The following NKAIN4 variants were observed in gnomAD, a reference collection of about 807,000 sequenced individuals.
NKAIN4 encodes sodium/potassium transporting ATPase interacting 4, also known as sodium/potassium-transporting ATPase subunit beta-1-interacting protein 4.
NKAIN4 carries 28 observed loss-of-function variants against 28.8 expected under a neutral mutation model. The observed-to-expected ratio is 0.97, with a 90% CI of 0.72 to 1.33. The LOEUF (loss-of-function observed/expected upper bound fraction) is 1.33, where lower values mean the gene tolerates loss of function less well. NKAIN4 is among the 40% of genes most tolerant of loss of function. The pLI, the probability that NKAIN4 is intolerant of heterozygous loss-of-function variation, is 0.00. For synonymous variants in NKAIN4, 122 were observed against 115.6 expected (o/e 1.06, Z -0.36); for missense variants, 289 against 277.2 (o/e 1.04, Z -0.30).
In NKAIN4 at chr20:63,241,501, G is replaced by C; in HGVS notation, c.623C>G (p.Ala208Gly). Reference protein sequence around the residue: ...SLLSKQVYLPA With the variant: ...SLLSKQVYLPG ...CAGGATCAGCTGTTTCCTCACTTACGCAGGCCTGTGGGGACAAGGTCAGAG... is the reference window on the plus strand; with the variant it reads ...CAGGATCAGCTGTTTCCTCACTTACCCAGGCCTGTGGGGACAAGGTCAGAG... Residue 208 changes from alanine to glycine, a missense_variant, in exon 7 of 7, where the codon GCG (alanine) becomes GGG (glycine). Physicochemically the swap from Ala to Gly is moderately conservative, Grantham distance 60. Coordinates refer to ENST00000370316, the MANE Select transcript of NKAIN4 (RefSeq NM_152864.4). 1 of 1,550,366 alleles carries C rather than the reference G, an allele frequency of 6.5e-7. No individual in the cohort carries two copies. Among genetic ancestry groups the C allele is most frequent in the Non-Finnish European group, 8.7e-7 (1 of 1,146,890 alleles).
intron 6 of NKAIN4, 134 bp downstream of exon 6, chr20:63,242,405 G>GTGGA: frequency 1.4e-6 from 1 of 727,994 alleles, no homozygotes; most frequent in South Asian, 1.5e-5. Context: ...AAAAGTGAGA[G>GTGGA]TGGATGGATG....
At chr20:63,242,226 G>C (rs914955999) in intron 6 of NKAIN4, among the ~76,000 whole-genome samples, 2 of 152,122 alleles carry the variant, frequency 1.3e-5, no homozygotes, top group African/African-American at 2.4e-5. Flanking sequence ...CTGCTGGGAA[G>C]TGGCTCTTCA....
At chr20:63,246,145 G>T (rs995430573) in intron 4 of NKAIN4, among the ~76,000 whole-genome samples, 4 of 152,158 alleles carry the variant, frequency 2.6e-5, no homozygotes, top group Admixed American at 6.5e-5. Flanking sequence ...AGCCAGGATG[G>T]TCTCAGTCTC....
chr20:63,251,900 G>A (rs533331226), intron 1 of NKAIN4, among the ~76,000 whole-genome samples: 1 of 152,130 alleles, frequency 6.6e-6, no homozygotes, highest in African/African-American at 2.4e-5. Flanking sequence ...ATCGTGCCCG[G>A]AGGACACTAA....
intron 5 of NKAIN4, 42 bp downstream of exon 5, chr20:63,243,982 A>T: frequency 1.9e-6 from 3 of 1,552,984 alleles, no homozygotes; most frequent in Non-Finnish European, 2.7e-6. Flanking sequence ...CCACCTCTGT[A>T]GCCGTCTCCC....
At chr20:63,247,033 AC>A (rs2066871528) in intron 4 of NKAIN4, 1 of 1,006,102 alleles carries the variant, frequency 9.9e-7, no homozygotes, top group South Asian at 4.2e-5. Context: ...CCTCAGCGCC[AC>A]CCGGGGCCAC....
At chr20:63,250,131 C>A in intron 1 of NKAIN4, 59 bp from the exon 2 acceptor site, 1 of 1,508,684 alleles carries the variant, frequency 6.6e-7, no homozygotes, top group Non-Finnish European at 8.9e-7. Context: ...GGCCCGCCAG[C>A]CAGGTACTGG....
At chr20:63,253,293 C>T (rs2066993139) in intron 1 of NKAIN4, 3 of 985,280 alleles carry the variant, frequency 3.0e-6, no homozygotes, top group Admixed American at 1.2e-4. Context: ...AGGTTATCTC[C>T]GCGGCCCCAG....
At chr20:63,254,514 G>T, upstream of NKAIN4, 1 of 1,132,708 alleles carries the variant, frequency 8.8e-7, no homozygotes, top group Non-Finnish European at 1.1e-6. Context: ...CGCTCCGCCC[G>T]CTCCCCACGC....
At chr20:63,253,335 T>A in intron 1 of NKAIN4, 1 of 985,294 alleles carries the variant, frequency 1.0e-6, no homozygotes. Flanking sequence ...GGAAGCTCCT[T>A]CCTTCCTGCA....
At position 63,250,044 on chromosome 20, in the gene NKAIN4, T is replaced by G. The variant is rs2066928703; in HGVS notation, c.83A>C (p.Asp28Ala). The change falls in exon 2 of 7, where the codon GAC becomes GCC. Residue 28 changes from aspartate (D) to alanine (A), a missense_variant. By Grantham distance (126) the Asp-to-Ala change is moderately radical. Transcript: ENST00000370316. ...GGGCGCCCACTGGTAGCCCAGGAAGTCAAACACCTGCCTCTCCAGGGCGGC... is the reference window on the plus strand; with the variant it reads ...GGGCGCCCACTGGTAGCCCAGGAAGGCAAACACCTGCCTCTCCAGGGCGGC... ...LVAALERQVF[D>A]FLGYQWAPIL... The G allele has an allele frequency of 1.3e-6, 2 of 1,594,034 alleles. No individual in the cohort carries two copies. The highest frequency in any genetic ancestry group is 1.7e-6 in the Non-Finnish European group (2 of 1,171,672).
intron 1 of NKAIN4, chr20:63,253,566 G>T (rs140682227): frequency 1.7e-5 from 16 of 952,664 alleles, no homozygotes; most frequent in Non-Finnish European, 2.0e-5. Context: ...TTTTTAAGAC[G>T]GGAGACCCAG....
Position 63,247,535 on chromosome 20 carries a change from C to A in NKAIN4, c.471+43G>T, listed in dbSNP as rs562373755. On this transcript the variant is annotated intron_variant, in intron 4 of 6. Transcript: ENST00000370316. ...GCCCCCAGCTCCATGTCCCCTCCCC[C>A]ATCAACCCATCCCCACCCGGGGGCC... 58 of 1,547,762 alleles carry A rather than the reference C, an allele frequency of 3.7e-5. No individual in the cohort carries two copies. The African/African-American group carries it at 6.4e-4, about 17-fold the overall frequency.
At chr20:63,247,075 G>T (rs111261765) in intron 4 of NKAIN4, 3 of 1,029,412 alleles carry the variant, frequency 2.9e-6, no homozygotes, top group Non-Finnish European at 3.5e-6. Flanking sequence ...CCTGGGTCAC[G>T]TGGCGCCAGC....
intron 3 of NKAIN4, chr20:63,248,591 C>T: frequency 1.9e-6 from 1 of 514,254 alleles, no homozygotes; most frequent in Middle Eastern, 4.5e-4. Context: ...CTGCCAATAC[C>T]CACAGACGCC....
chr20:63,243,807 C>T (rs2066805718), intron 5 of NKAIN4: 2 of 494,786 alleles, frequency 4.0e-6, no homozygotes, highest in Non-Finnish European at 3.6e-6. Flanking sequence ...CGGGGGGCAG[C>T]TGACCCCTGG....
chr20:63,253,583 T>G (rs2066998737), intron 1 of NKAIN4: 2 of 908,126 alleles, frequency 2.2e-6, no homozygotes, highest in Non-Finnish European at 2.6e-6. Context: ...CCAGGGCCAA[T>G]TAGCATCGAA....
intron 3 of NKAIN4, 120 bp downstream of exon 3, chr20:63,248,695 C>T (rs1430699886): frequency 5.7e-6 from 4 of 700,268 alleles, no homozygotes; most frequent in East Asian, 5.4e-5. Flanking sequence ...GGGACAGAGC[C>T]ATGCACAGAC....
At chr20:63,253,683 C>T (rs973355640) in intron 1 of NKAIN4, among the ~76,000 whole-genome samples, 5 of 152,226 alleles carry the variant, frequency 3.3e-5, no homozygotes, top group African/African-American at 9.6e-5. Flanking sequence ...ATCCGCCCCC[C>T]AGGCGTCCCA....
Sources: gnomAD v4.1 joint callset for allele counts (sites outside exome capture counted in the v4.1 genomes callset) on GRCh38, gnomAD v4.1.1 for gene constraint, MANE v1.5 for transcripts, NCBI Gene and HGNC (gene_info 2026-07-23, HGNC 2026-07-21) for gene names.